PTCH1: variants seen among roughly 807,000 people sequenced by gnomAD.
PTCH1 encodes the protein patched 1.
Under a neutral mutation model 144.6 loss-of-function variants are expected in PTCH1, and 14 were observed. The observed-to-expected ratio is 0.10, with a 90% CI of 0.06 to 0.15. The LOEUF is 0.15. PTCH1 is among the 10% of genes least tolerant of loss of function. The probability of loss-of-function intolerance (pLI) is 1.00; values close to 1 mark genes in which losing one functional copy is unlikely to be tolerated. For synonymous variants in PTCH1, 833 were observed against 793.6 expected, an observed-to-expected ratio of 1.05 and a Z score of -0.83; for missense variants, 1,623 against 1,948.3, an observed-to-expected ratio of 0.83 and a Z score of 3.14.
Position 95,476,134 on chromosome 9 carries a change from C to T in PTCH1, c.1628G>A (p.Arg543His), listed in dbSNP as rs150284288. The T allele has an allele frequency of 8.7e-6, 14 of 1,613,044 alleles. No individual in the cohort carries two copies. The highest frequency in any genetic ancestry group is 3.3e-5 in the Admixed American group (2 of 59,922). The change falls in exon 12 of 24, where the codon CGC (arginine) becomes CAC (histidine). Residue 543 changes from arginine to histidine, a missense_variant. This residue lies in a region of PTCH1 where 135 missense variants were observed against 228.7 expected (regional missense o/e 0.59). Coordinates refer to ENST00000331920, the MANE Select transcript of PTCH1 (RefSeq NM_000264.5). The surrounding 1 kb of genome is among the most constrained non-coding windows in gnomAD (Gnocchi z 4.6). ...CGTGAGGGCCACGCTGGCTCCTGTG[C>T]GCTTCAGGCACTCCCCGGTCCTGTC... The part of the protein sequence containing the change: ...FEDRTGECLK[R>H]TGASVALTSI...
intron 19 of PTCH1, among the ~76,000 whole-genome samples, chr9:95,454,336 C>T (rs1838733458): frequency 6.6e-6 from 1 of 152,196 alleles, no homozygotes. Flanking sequence ...GGCACAAGTT[C>T]TCTCTCTGAA....
intron 1 of PTCH1, chr9:95,507,417 C>T (rs1843770055): frequency 1.0e-6 from 1 of 985,500 alleles, no homozygotes. Flanking sequence ...TGCTCGCCTT[C>T]CCTGGATTCC....
Position 95,508,306 on chromosome 9 carries a change from C to G in PTCH1, c.56G>C (p.Gly19Ala). ...EPQDRGGGGS[G>A]CIGAPGRPAG... ...CGGCCGTCCCGGGGCACCGATACAG[C>G]CGCTGCCGCCGCCGCCGCGGTCCTG... The change falls in exon 1 of 24, where the codon GGC becomes GCC. Residue 19 changes from glycine (G) to alanine (A), a missense_variant. Coordinates refer to ENST00000331920, the MANE Select transcript of PTCH1 (RefSeq NM_000264.5). 7.1e-7 allele frequency: 1 copy of G among 1,407,394 alleles called. No individual in the cohort carries two copies. Among genetic ancestry groups the G allele is most frequent in the Non-Finnish European group, 9.2e-7 (1 of 1,087,472 alleles). The allele number at this position is 1,407,394 out of a possible 1,614,324, so 87.2% of individuals were successfully genotyped here.
chr9:95,480,600 A>G lies in PTCH1; in HGVS notation c.747-12T>C. 5 of 1,609,704 alleles carry G rather than the reference A, an allele frequency of 3.1e-6. No homozygotes were observed. The highest frequency in any genetic ancestry group is 4.3e-6 in the Non-Finnish European group (5 of 1,176,176). ...AAGGAGGTTTACCTCTGCAAAAGAA[A>G]TTAGGAGACGAGACCATGAAAAGAG... On this transcript the variant is annotated splice_polypyrimidine_tract_variant and intron_variant, in intron 5 of 23. Transcript: ENST00000331920.
intron 22 of PTCH1, among the ~76,000 whole-genome samples, chr9:95,448,439 G>A (rs1039607603): frequency 1.3e-5 from 2 of 152,144 alleles, no homozygotes; most frequent in Middle Eastern, 3.2e-3. Context: ...AAGGACCCAG[G>A]TCCTTGGAGC....
chr9:95,465,256 G>A (rs1348308065), intron 15 of PTCH1, among the ~76,000 whole-genome samples: 1 of 152,104 alleles, frequency 6.6e-6, no homozygotes, highest in Non-Finnish European at 1.5e-5. Context: ...CAGAGCAATG[G>A]CCAAAGACAC....
chr9:95,447,435 G>A lies in PTCH1; in HGVS notation c.3821C>T (p.Ser1274Phe). The change falls in exon 23 of 24, where the codon TCC becomes TTC. Residue 1274 changes from serine to phenylalanine, a missense_variant. Ser to Phe is a radical substitution (Grantham distance 155, BLOSUM62 -2). Around this residue, in one of 7 missense-constraint regions of PTCH1, gnomAD observed 291 missense variants for 287.4 expected, o/e 1.01. Transcript: ENST00000331920. ...FAHSTVVHPE[S>F]RHHPPSNPRQ... is the part of the protein sequence containing the mutation. The stretch of plus-strand genomic sequence containing the variant: ...CGGGTTCGAGGGTGGGTGATGCCTG[G>A]ATTCGGGATGGACCACCTGCAGAGG... 1 of 1,591,946 alleles carries A rather than the reference G, an allele frequency of 6.3e-7. No individual in the cohort carries two copies. The highest frequency in any genetic ancestry group is 1.3e-5 in the African/African-American group (1 of 74,274).
intron 2 of PTCH1, among the ~76,000 whole-genome samples, chr9:95,500,143 C>G (rs996319773): frequency 2.0e-5 from 3 of 152,182 alleles, no homozygotes; most frequent in African/African-American, 7.2e-5. Flanking sequence ...ACGGATCAGG[C>G]TGTTCATACA....
At chr9:95,511,850 G>A (rs1298906810), upstream of PTCH1, among the ~76,000 whole-genome samples, 2 of 152,212 alleles carry the variant, frequency 1.3e-5, no homozygotes, top group Non-Finnish European at 2.9e-5. Context: ...GGGGAGGGGG[G>A]TAGTACCCCT....
chr9:95,500,466 C>T (rs190616449), intron 2 of PTCH1, among the ~76,000 whole-genome samples: 2 of 152,348 alleles, frequency 1.3e-5, no homozygotes, highest in East Asian at 1.9e-4. Flanking sequence ...CATATTCTCC[C>T]TTCTAAACCA....
chr9:95,467,348 G>C lies in PTCH1; in HGVS notation c.2328C>G (p.Asp776Glu), dbSNP rs923429610. 1 of 1,614,156 alleles carries C rather than the reference G, an allele frequency of 6.2e-7. No individual in the cohort carries two copies. The highest frequency in any genetic ancestry group is 8.5e-7 in the Non-Finnish European group (1 of 1,180,020). ...TTTCCCGAGGTACAATGTCCGTAAG[G>C]TCCAGCCCGTCTCTCACTCGGGTGG... Reference protein sequence around the residue: ...YGTTRVRDGLDLTDIVPRETR... With the variant: ...YGTTRVRDGLELTDIVPRETR... The change falls in exon 15 of 24, where the codon GAC (aspartate) becomes GAG (glutamate). Residue 776 changes from aspartate to glutamate, a missense_variant. Physicochemically the swap from Asp to Glu is conservative, Grantham distance 45 (BLOSUM62 2). Coordinates refer to ENST00000331920, the MANE Select transcript of PTCH1 (RefSeq NM_000264.5).
At chr9:95,489,311 A>C (rs1423798286) in intron 2 of PTCH1, among the ~76,000 whole-genome samples, 1 of 152,176 alleles carries the variant, frequency 6.6e-6, no homozygotes, top group Non-Finnish European at 1.5e-5. Flanking sequence ...TAGATGACTG[A>C]GATGAAGGTC....
chr9:95,477,528 TA>T lies in PTCH1; in HGVS notation c.1503+18del, dbSNP rs767587850. On this transcript the variant is annotated intron_variant, in intron 10 of 23. Coordinates refer to ENST00000331920, the MANE Select transcript of PTCH1 (RefSeq NM_000264.5). ...GTGGCATTTGTCAACGGACAGCAGA[TA>T]AATGGCTCCTTTAGTACCTGAGTTG... The T allele has an allele frequency of 1.9e-6, 3 of 1,614,106 alleles. No individual in the cohort carries two copies. In the South Asian group the frequency reaches 3.3e-5, roughly 18 times the overall value.
upstream of PTCH1, among the ~76,000 whole-genome samples, chr9:95,510,880 C>T (rs1344252005): frequency 1.3e-5 from 2 of 151,040 alleles, no homozygotes; most frequent in Non-Finnish European, 3.0e-5. Flanking sequence ...CCGGACTCCC[C>T]GCGCCCGCGC....
At chr9:95,456,488 G>A in intron 18 of PTCH1, 75 bp from the exon 19 acceptor site, 2 of 1,564,018 alleles carry the variant, frequency 1.3e-6, no homozygotes, top group Non-Finnish European at 8.7e-7. Flanking sequence ...GGTCGCCAGA[G>A]GGCTAAGGTG....
Position 95,449,033 on chromosome 9 carries a change from G to C in PTCH1, c.3804+36C>G. The C allele has an allele frequency of 6.2e-7, 1 of 1,612,414 alleles. No individual in the cohort carries two copies. Among genetic ancestry groups the C allele is most frequent in the Non-Finnish European group, 8.5e-7 (1 of 1,178,642 alleles). On this transcript the variant is annotated intron_variant, in intron 22 of 23. Transcript: ENST00000331920. The surrounding 1 kb of genome is among the most constrained non-coding windows in gnomAD (Gnocchi z 5.3). ...ACCTCCAGGCCCACTACCACGGTGG[G>C]AAGACCCCTCCCCCTGGTTCTGCAG... is the stretch of plus-strand genomic sequence containing the variant.
In PTCH1 at chr9:95,477,256, C is replaced by T. The variant is rs529546491; in HGVS notation, c.1503+291G>A. Among the ~76,000 whole-genome samples, 9 of 152,314 alleles carry T rather than the reference C, an allele frequency of 5.9e-5. No homozygotes were observed. The South Asian group carries it at 1.7e-3, about 28-fold the overall frequency. ...CGGAGCTTTCACAAGCCCTGCAAGC[C>T]ATGCAAATGCCCACCAGAGCTGAAG... On this transcript the variant is annotated intron_variant, in intron 10 of 23. Transcript: ENST00000331920.
At chr9:95,482,326 C>G (rs55905992) in intron 3 of PTCH1, 123 bp from the exon 4 acceptor site, 3 of 979,024 alleles carry the variant, frequency 3.1e-6, no homozygotes, top group Non-Finnish European at 4.6e-6. Context: ...TCTGTCAAAA[C>G]GAGCAGAGCT....
At chr9:95,484,982 G>A (rs1003198145) in intron 3 of PTCH1, among the ~76,000 whole-genome samples, 1 of 152,110 alleles carries the variant, frequency 6.6e-6, no homozygotes. Context: ...GAGGCAGGCG[G>A]ATCACTTGAG....
Sources: gnomAD v4.1 joint callset for allele counts (sites outside exome capture counted in the v4.1 genomes callset) on GRCh38, gnomAD v4.1.1 for gene constraint, gnomAD v4.1.1 regional missense constraint, Gnocchi (gnomAD v3.1) non-coding constraint, MANE v1.5 for transcripts, NCBI Gene and HGNC (gene_info 2026-07-23, HGNC 2026-07-21) for gene names.